Variants in TET2 observed in about 807,000 individuals in gnomAD.
The protein encoded by TET2 is methylcytosine dioxygenase TET2.
A neutral mutation model predicts 142.9 loss-of-function variants in TET2; 299 were observed. That is an observed-to-expected ratio of 2.09 (90% CI 1.90 to 2.30). The LOEUF is 2.30. Among genes scored for constraint, TET2 ranks in the 30% most tolerant of loss-of-function variants. The pLI, the probability that TET2 is intolerant of heterozygous loss-of-function variation, is 0.00. For synonymous variants in TET2, 819 were observed against 849.0 expected (o/e 0.96, Z 0.61); for missense variants, 2,418 against 2,378.0 (o/e 1.02, Z -0.35).
chr4:105,177,471 C>T (rs2110437507), intron 1 of TET2: 1 of 152,286 alleles, frequency 6.6e-6, no homozygotes, highest in East Asian at 1.9e-4. Context: ...GAGCAAAAAA[C>T]CTGAACAGAC....
chr4:105,197,081 ATACT>A (rs1405892627), intron 2 of TET2, among the ~76,000 whole-genome samples: 2 of 152,176 alleles, frequency 1.3e-5, no homozygotes, highest in African/African-American at 4.8e-5. Flanking sequence ...AACCTCAGAG[ATACT>A]TAATTATAAG....
At chr4:105,226,490 G>A (rs1436066622) in intron 2 of TET2, among the ~76,000 whole-genome samples, 1 of 152,144 alleles carries the variant, frequency 6.6e-6, no homozygotes, top group Non-Finnish European at 1.5e-5. Context: ...CTGGTGGGAA[G>A]TGTTTGGATT....
Position 105,243,752 on chromosome 4 carries a change from C to CA in TET2, c.3779dup (p.Asn1260LysfsTer8). On this transcript the variant is annotated frameshift_variant, in exon 6 of 11. Transcript: ENST00000380013. LOFTEE classifies it high-confidence loss of function. ...CGCTGAGGAAATACGGCACGCTCAC[C>CA]AATCGCCGGTGTGCCTTGAATGAAG... The CA allele has an allele frequency of 6.4e-7, 1 of 1,551,548 alleles. No homozygotes were observed. Among genetic ancestry groups the CA allele is most frequent in the African/African-American group, 1.4e-5 (1 of 73,142 alleles).
chr4:105,163,839 G>GT (rs1474216402), intron 1 of TET2, among the ~76,000 whole-genome samples: 24 of 140,458 alleles, frequency 1.7e-4, no homozygotes, highest in African/African-American at 6.2e-4. Flanking sequence ...GAGAGAGAGA[G>GT]AGAGAGAGAG....
rs1560574667 is a variant in TET2 at position 105,276,318 on chromosome 4, C to G, written c.5808C>G (p.Gly1936=). 1 of 1,551,542 alleles carries G rather than the reference C, an allele frequency of 6.4e-7. No individual in the cohort carries two copies. The highest frequency in any genetic ancestry group is 8.7e-7 in the Non-Finnish European group (1 of 1,146,968). Residue 1936 remains glycine (G), a synonymous_variant, in exon 11 of 11, where the codon GGC becomes GGG. Coordinates refer to ENST00000380013, the MANE Select transcript of TET2 (RefSeq NM_001127208.3). ...REKEEECEKY[G]PDYVPQKSHG... is the part of the protein sequence containing the mutation. ...AAGAGGAAGAGTGTGAAAAGTATGG[C>G]CCAGACTATGTGCCTCAGAAATCCC...
At chr4:105,228,104 G>A (rs1728291135) in intron 2 of TET2, among the ~76,000 whole-genome samples, 1 of 152,100 alleles carries the variant, frequency 6.6e-6, no homozygotes, top group Non-Finnish European at 1.5e-5. Context: ...GCTTGAAAGA[G>A]TACTGTGCAA....
rs147466121 is a variant in TET2, at chr4:105,180,765, G to A, written c.-192-9595G>A. 4.3e-4 allele frequency among the ~76,000 whole-genome samples: 65 copies of A among 152,000 alleles called. No individual in the cohort carries two copies. The East Asian group carries it at 9.3e-3, about 22-fold the overall frequency. On this transcript the variant is annotated intron_variant, in intron 1 of 10. Coordinates refer to ENST00000380013, the MANE Select transcript of TET2 (RefSeq NM_001127208.3). ...AGCGATTCTCCTGCCTCAGCCTGCC[G>A]GGTAGCTAGAATTACAGGCATGTGC...
intron 1 of TET2, among the ~76,000 whole-genome samples, chr4:105,153,203 A>C (rs1351712340): frequency 6.6e-6 from 1 of 152,224 alleles, no homozygotes; most frequent in Non-Finnish European, 1.5e-5. Context: ...GCAAAACTAT[A>C]ATATCATATC....
chr4:105,271,981 A>AT (rs1231831518), intron 9 of TET2, among the ~76,000 whole-genome samples: 1 of 152,156 alleles, frequency 6.6e-6, no homozygotes, highest in African/African-American at 2.4e-5. Context: ...ATTAAGTTGC[A>AT]TATTACCTGT....
At chr4:105,186,145 G>A (rs914838973) in intron 1 of TET2, among the ~76,000 whole-genome samples, 18 of 152,070 alleles carry the variant, frequency 1.2e-4, no homozygotes, top group Non-Finnish European at 1.9e-4. Context: ...TGGAAGGATA[G>A]CTTGAGTCTG....
intron 1 of TET2, among the ~76,000 whole-genome samples, chr4:105,150,608 A>G (rs1004750024): frequency 2.0e-5 from 3 of 152,242 alleles, no homozygotes; most frequent in African/African-American, 7.2e-5. Context: ...CAACTTTACA[A>G]TTGGAGCCTT....
chr4:105,206,342 G>C (rs1321417184), intron 2 of TET2, among the ~76,000 whole-genome samples: 1 of 152,208 alleles, frequency 6.6e-6, no homozygotes, highest in South Asian at 2.1e-4. Context: ...GGGACCTTTT[G>C]GTTGGGAAGA....
rs2110226076 is a variant in TET2, at chr4:105,235,203, G to C, written c.1261G>C (p.Glu421Gln). 6.2e-7 allele frequency: 1 copy of C among 1,613,900 alleles called. No homozygotes were observed. Reference protein sequence around the residue: ...PLPQVPQLPSEGKSTLNGGVL... With the variant: ...PLPQVPQLPSQGKSTLNGGVL... ...TCCACAGGTTCCTCAGCTTCCTTCAGAAGGAAAAAGCACTCTGAATGGTGG... is the reference window on the plus strand; with the variant it reads ...TCCACAGGTTCCTCAGCTTCCTTCACAAGGAAAAAGCACTCTGAATGGTGG... The change falls in exon 3 of 11, where the codon GAA becomes CAA. Residue 421 changes from glutamate to glutamine, a missense_variant. Glu to Gln is a conservative substitution (Grantham distance 29). Coordinates refer to ENST00000380013, the MANE Select transcript of TET2 (RefSeq NM_001127208.3).
At chr4:105,269,378 AAT>A (rs1289185339) in intron 8 of TET2, among the ~76,000 whole-genome samples, 1 of 152,192 alleles carries the variant, frequency 6.6e-6, no homozygotes, top group African/African-American at 2.4e-5. Flanking sequence ...GGTTGTGACA[AAT>A]ATATATCAAA....
At chr4:105,266,993 T>C (rs960698962) in intron 8 of TET2, among the ~76,000 whole-genome samples, 2 of 151,010 alleles carry the variant, frequency 1.3e-5, no homozygotes, top group East Asian at 1.9e-4. Flanking sequence ...GAAAGGCAAA[T>C]GGAGAAAAAA....
intron 2 of TET2, among the ~76,000 whole-genome samples, chr4:105,216,579 T>A (rs1727509459): frequency 6.6e-6 from 1 of 152,104 alleles, no homozygotes; most frequent in Admixed American, 6.6e-5. Flanking sequence ...TGTTTATTGC[T>A]TCTGATTTAC....
chr4:105,244,585 T>TC (rs1560554216), intron 6 of TET2, among the ~76,000 whole-genome samples: 1,846 of 55,094 alleles, frequency 0.034, 341 homozygotes, highest in African/African-American at 0.096. Context: ...TACACAGAAA[T>TC]GTTTTTTTTT....
Position 105,276,210 on chromosome 4 carries a change from CTT to C in TET2, c.5703_5704del (p.Phe1901LeufsTer4). On this transcript the variant is annotated frameshift_variant, in exon 11 of 11. Coordinates refer to ENST00000380013, the MANE Select transcript of TET2 (RefSeq NM_001127208.3). LOFTEE classifies it high-confidence loss of function. ...RNHPTRISLV[F>X]YQHKSMNEPK... ...ATCACCCCACCAGGATCTCCCTCGT[CTT>C]TTACCAGCATAAGAGCATGAATGAG... 1 of 1,551,682 alleles carries C rather than the reference CTT, an allele frequency of 6.4e-7. No homozygotes were observed. The highest frequency in any genetic ancestry group is 8.7e-7 in the Non-Finnish European group (1 of 1,146,988).
At chr4:105,182,727 T>A (rs183244243) in intron 1 of TET2, among the ~76,000 whole-genome samples, 168 of 152,336 alleles carry the variant, frequency 1.1e-3, no homozygotes, top group African/African-American at 3.7e-3. Context: ...GGAATTTTTT[T>A]AAAAATAGTG....
Sources: gnomAD v4.1 joint callset for allele counts (sites outside exome capture counted in the v4.1 genomes callset) on GRCh38, gnomAD v4.1.1 for gene constraint, MANE v1.5 for transcripts, NCBI Gene and HGNC (gene_info 2026-07-23, HGNC 2026-07-21) for gene names.